The following XKR6 variants were observed in gnomAD, a reference collection of about 807,000 sequenced individuals.
XKR6 encodes XK-related protein 6.
In XKR6, 22 loss-of-function variants were observed where a neutral mutation model predicts 56.7. The observed-to-expected ratio is 0.39, with a 90% confidence interval of 0.28 to 0.55. The LOEUF is 0.55. Among genes scored for constraint, XKR6 ranks in the 20% least tolerant of loss-of-function variants. XKR6 has a pLI of 0.66. For synonymous variants in XKR6, 524 were observed against 387.8 expected (o/e 1.35, Z -4.13); for missense variants, 852 against 889.0 (o/e 0.96, Z 0.53).
intron 1 of XKR6, among the ~76,000 whole-genome samples, chr8:11,175,842 G>T (rs78336324): frequency 2.0e-5 from 3 of 152,070 alleles, no homozygotes; most frequent in African/African-American, 7.2e-5. Flanking sequence ...AGTCCCCAAG[G>T]TGCTAATCAG....
intron 1 of XKR6, among the ~76,000 whole-genome samples, chr8:10,994,942 C>T (rs954665086): frequency 1.3e-5 from 2 of 152,176 alleles, no homozygotes; most frequent in African/African-American, 2.4e-5. Flanking sequence ...AACACACTTC[C>T]AGTGTCACAA....
chr8:11,178,863 TCTCA>T (rs1319789353), intron 1 of XKR6, among the ~76,000 whole-genome samples: 1 of 150,996 alleles, frequency 6.6e-6, no homozygotes, highest in Non-Finnish European at 1.5e-5. Flanking sequence ...AGAGACAGGG[TCTCA>T]CTCAGGCACC....
Position 10,898,284 on chromosome 8 carries a change from C to T in XKR6, c.1594G>A (p.Glu532Lys), listed in dbSNP as rs752808094. 1.9e-6 allele frequency: 3 copies of T among 1,614,142 alleles called. No homozygotes were observed. The highest frequency in any genetic ancestry group is 2.2e-5 in the South Asian group (2 of 91,068). Residue 532 changes from glutamate to lysine, a missense_variant, in exon 3 of 3, where the codon GAG (glutamate) becomes AAG (lysine). Glu to Lys is a moderately conservative substitution (Grantham distance 56, BLOSUM62 1). Around this residue, in one of 4 missense-constraint regions of XKR6, gnomAD observed 197 missense variants for 190.9 expected, o/e 1.03. Coordinates refer to ENST00000416569, the MANE Select transcript of XKR6 (RefSeq NM_173683.4). This position sits in a 1 kb window ranked among gnomAD's most constrained non-coding sequence, Gnocchi z 6.6. ...LPPDVEPMAP[E>K]IPGYRGTQVT... ...TGGGTCCCCCGGTACCCAGGGATCT[C>T]AGGCGCCATGGGCTCAACATCGGGG...
chr8:11,192,922 A>G (rs1803660836), intron 1 of XKR6, among the ~76,000 whole-genome samples: 1 of 152,152 alleles, frequency 6.6e-6, no homozygotes. Context: ...GCTCAACTTC[A>G]CTGGCAAGCT....
chr8:11,069,439 C>T (rs1268300807), intron 1 of XKR6, among the ~76,000 whole-genome samples: 2 of 151,924 alleles, frequency 1.3e-5, no homozygotes, highest in Non-Finnish European at 2.9e-5. Flanking sequence ...TGGCCAGAGC[C>T]TGTGTTGCCA....
chr8:11,019,174 C>T (rs1260657892), intron 1 of XKR6, among the ~76,000 whole-genome samples: 1 of 152,236 alleles, frequency 6.6e-6, no homozygotes, highest in East Asian at 1.9e-4. Context: ...ATGTTTCACT[C>T]ACTTTCCTAT....
At chr8:11,198,932 G>A (rs1047711478) in intron 1 of XKR6, among the ~76,000 whole-genome samples, 2 of 151,128 alleles carry the variant, frequency 1.3e-5, no homozygotes, top group African/African-American at 4.9e-5. Context: ...AAAAAAAAAG[G>A]TATCTCCAAT....
At chr8:11,156,118 G>T (rs569951977) in intron 1 of XKR6, among the ~76,000 whole-genome samples, 1 of 152,202 alleles carries the variant, frequency 6.6e-6, no homozygotes, top group African/African-American at 2.4e-5. Context: ...TCCACTCTAT[G>T]CCTTCTCCTG....
At chr8:10,964,812 G>A (rs954344358) in intron 1 of XKR6, among the ~76,000 whole-genome samples, 18 of 152,196 alleles carry the variant, frequency 1.2e-4, no homozygotes, top group African/African-American at 4.3e-4. Context: ...CACACGGAAT[G>A]AGTCCTGGGC....
chr8:10,915,984 G>A (rs558639061), intron 2 of XKR6, among the ~76,000 whole-genome samples: 19 of 152,342 alleles, frequency 1.2e-4, no homozygotes, highest in Admixed American at 3.9e-4. Flanking sequence ...TGCCATGAGC[G>A]CCCGGAAGTG....
In XKR6 at chr8:11,044,525, C is replaced by T. The variant is rs926812756; in HGVS notation, c.765-119695G>A. Among the ~76,000 whole-genome samples, 3 of 152,182 alleles carry T rather than the reference C, an allele frequency of 2.0e-5. No homozygotes were observed. In the East Asian group the frequency reaches 5.8e-4, roughly 29 times the overall value. The stretch of plus-strand genomic sequence containing the variant: ...GCTGACACACCTGGGGCCCTTCCAT[C>T]GCCAAGGTCAGCATGAAGTGTACTT... On this transcript the variant is annotated intron_variant, in intron 1 of 2. Coordinates refer to ENST00000416569, the MANE Select transcript of XKR6 (RefSeq NM_173683.4).
chr8:11,072,675 TG>T (rs1433870235), intron 1 of XKR6, among the ~76,000 whole-genome samples: 2 of 152,082 alleles, frequency 1.3e-5, no homozygotes, highest in African/African-American at 4.8e-5. Context: ...TGGGTCAGGG[TG>T]GGGGTACACT....
intron 1 of XKR6, among the ~76,000 whole-genome samples, chr8:10,948,057 C>T (rs1318779217): frequency 6.6e-6 from 1 of 152,154 alleles, no homozygotes; most frequent in South Asian, 2.1e-4. Context: ...CCACCTTTCC[C>T]TCAGAGAAGG....
At chr8:11,034,968 T>G (rs1263346345) in intron 1 of XKR6, among the ~76,000 whole-genome samples, 2 of 152,232 alleles carry the variant, frequency 1.3e-5, no homozygotes, top group Non-Finnish European at 2.9e-5. Context: ...GTGAGGGATG[T>G]GGGACTGCCA....
intron 2 of XKR6, among the ~76,000 whole-genome samples, chr8:10,910,336 C>T (rs896872851): frequency 5.9e-5 from 9 of 152,096 alleles, no homozygotes; most frequent in Non-Finnish European, 1.3e-4. Flanking sequence ...AGATTTAGAT[C>T]TTCCAAAGAA....
intron 1 of XKR6, among the ~76,000 whole-genome samples, chr8:10,965,766 C>T (rs995378171): frequency 6.6e-6 from 1 of 152,208 alleles, no homozygotes; most frequent in East Asian, 1.9e-4. Flanking sequence ...GCACAAAATA[C>T]GAAAGTGAGA....
chr8:10,945,614 T>C (rs908651903), intron 1 of XKR6, among the ~76,000 whole-genome samples: 1 of 152,234 alleles, frequency 6.6e-6, no homozygotes, highest in Non-Finnish European at 1.5e-5. Flanking sequence ...GTTTTTTGTT[T>C]ATCTTTATAT....
intron 1 of XKR6, among the ~76,000 whole-genome samples, chr8:11,038,494 ATT>A (rs937646271): frequency 6.5e-5 from 8 of 122,694 alleles, no homozygotes; most frequent in Non-Finnish European, 1.4e-4. Context: ...AATTGTAGTC[ATT>A]TTGTGTGTGT....
At chr8:10,958,077 C>G (rs1459887956) in intron 1 of XKR6, among the ~76,000 whole-genome samples, 1 of 152,190 alleles carries the variant, frequency 6.6e-6, no homozygotes, top group South Asian at 2.1e-4. Context: ...GTCACTTGCC[C>G]TCTCTGGGCC....
Sources: gnomAD v4.1 joint callset for allele counts (sites outside exome capture counted in the v4.1 genomes callset) on GRCh38, gnomAD v4.1.1 for gene constraint, gnomAD v4.1.1 regional missense constraint, Gnocchi (gnomAD v3.1) non-coding constraint, MANE v1.5 for transcripts, NCBI Gene and HGNC (gene_info 2026-07-23, HGNC 2026-07-21) for gene names.